The following SCAF8 variants were observed in gnomAD, a reference collection of about 807,000 sequenced individuals.
SCAF8 encodes SR-related and CTD-associated factor 8.
Under a neutral mutation model 140.5 loss-of-function variants are expected in SCAF8, and 23 were observed. That is an observed-to-expected ratio of 0.16 (90% CI 0.12 to 0.23). SCAF8 has a LOEUF of 0.23. SCAF8 is among the 10% of genes least tolerant of loss of function. SCAF8 has a pLI of 1.00. For missense variants in SCAF8, 1,397 were observed against 1,555.7 expected, an observed-to-expected ratio of 0.90 and a Z score of 1.72; for synonymous variants, 575 against 528.9, an observed-to-expected ratio of 1.09 and a Z score of -1.20.
In SCAF8 at chr6:154,833,437, A is replaced by ATC; in HGVS notation, c.*48_*49dup. The ATC allele has an allele frequency of 6.4e-7, 1 of 1,571,610 alleles. No homozygotes were observed. The highest frequency in any genetic ancestry group is 8.6e-7 in the Non-Finnish European group (1 of 1,158,706). ...AAAAGATACCTTTTGTAAAGTTGTC[A>ATC]TCTCTCTGTAATAGATAATGGCTGA... On this transcript the variant is annotated 3_prime_UTR_variant, in exon 20 of 20. Transcript: ENST00000367178.
At chr6:154,809,294 T>C (rs1778016551) in intron 11 of SCAF8, among the ~76,000 whole-genome samples, 1 of 152,180 alleles carries the variant, frequency 6.6e-6, no homozygotes, top group South Asian at 2.1e-4. Context: ...ATTTTTTGCG[T>C]ATGAATGCCC....
chr6:154,775,444 A>C (rs191230280), intron 2 of SCAF8, among the ~76,000 whole-genome samples: 1 of 152,314 alleles, frequency 6.6e-6, no homozygotes, highest in Non-Finnish European at 1.5e-5. Flanking sequence ...TAATTGATGC[A>C]CTTTTCATAA....
chr6:154,735,466 T>C (rs1238081637), intron 1 of SCAF8, among the ~76,000 whole-genome samples: 2 of 151,904 alleles, frequency 1.3e-5, no homozygotes, highest in African/African-American at 2.4e-5. Context: ...TTTTTAATAC[T>C]ACATTTTTTA....
chr6:154,768,866 C>A (rs1287147242), intron 1 of SCAF8, among the ~76,000 whole-genome samples: 1 of 151,992 alleles, frequency 6.6e-6, no homozygotes, highest in Non-Finnish European at 1.5e-5. Context: ...TGTTTGAGAC[C>A]AGCCTAGCCA....
chr6:154,766,861 TATATG>T (rs1169839840), intron 1 of SCAF8, among the ~76,000 whole-genome samples: 1 of 152,074 alleles, frequency 6.6e-6, no homozygotes, highest in Non-Finnish European at 1.5e-5. Context: ...CTTCCAGACT[TATATG>T]ATGTTCTATT....
chr6:154,771,963 T>TGA (rs1471407600), intron 1 of SCAF8, among the ~76,000 whole-genome samples: 1 of 151,978 alleles, frequency 6.6e-6, no homozygotes, highest in Non-Finnish European at 1.5e-5. Flanking sequence ...GTTCTTCAGG[T>TGA]GAGAGATTAA....
chr6:154,783,106 G>A (rs1777131864), intron 3 of SCAF8, among the ~76,000 whole-genome samples: 1 of 152,048 alleles, frequency 6.6e-6, no homozygotes, highest in African/African-American at 2.4e-5. Context: ...TCATGATTTG[G>A]TGACTTTTCT....
intron 3 of SCAF8, among the ~76,000 whole-genome samples, chr6:154,779,758 G>GGTGTGT (rs199543298): frequency 1.0e-4 from 15 of 147,506 alleles, no homozygotes; most frequent in African/African-American, 3.0e-4. Context: ...GTTAAAATAA[G>GGTGTGT]GTGTGTGTGT....
intron 11 of SCAF8, among the ~76,000 whole-genome samples, chr6:154,809,757 C>A (rs187668656): frequency 6.2e-4 from 95 of 152,198 alleles, no homozygotes; most frequent in Admixed American, 5.9e-3. Context: ...GAAAGTGAGG[C>A]CCTTTCTAGA....
intron 1 of SCAF8, among the ~76,000 whole-genome samples, chr6:154,759,345 GT>G (rs549068878): frequency 8.6e-4 from 131 of 152,262 alleles, no homozygotes; most frequent in African/African-American, 3.0e-3. Flanking sequence ...TGAGTTTTTG[GT>G]TTTAGGGGAG....
chr6:154,784,075 A>G (rs904188676), intron 3 of SCAF8, among the ~76,000 whole-genome samples: 27 of 149,398 alleles, frequency 1.8e-4, no homozygotes, highest in African/African-American at 6.6e-4. Context: ...TCAAAAAAAT[A>G]AAAAGAAAGA....
chr6:154,799,977 G>A (rs1777724016), intron 6 of SCAF8, among the ~76,000 whole-genome samples: 1 of 151,074 alleles, frequency 6.6e-6, no homozygotes, highest in Admixed American at 6.6e-5. Context: ...GTAGAGACAA[G>A]GTTTCACCTT....
At position 154,832,875 on chromosome 6, in the gene SCAF8, T is replaced by C; in HGVS notation, c.3296T>C (p.Phe1099Ser). ...PEKPWGHRGDFDEREHRVLPV... is the reference protein window; with the variant it reads ...PEKPWGHRGDSDEREHRVLPV... ...AAGCCCTGGGGGCATAGAGGAGATT[T>C]TGATGAGAGAGAGCATCGGGTTCTA... The change falls in exon 20 of 20, where the codon TTT (phenylalanine) becomes TCT (serine). Residue 1099 changes from phenylalanine to serine, a missense_variant. By Grantham distance (155) the Phe-to-Ser change is radical (BLOSUM62 -2). Around this residue, in one of 5 missense-constraint regions of SCAF8, gnomAD observed 930 missense variants for 874.6 expected, o/e 1.06. Transcript: ENST00000367178. The C allele has an allele frequency of 1.2e-6, 2 of 1,614,082 alleles. No homozygotes were observed. Among genetic ancestry groups the C allele is most frequent in the South Asian group, 1.1e-5 (1 of 91,064 alleles).
intron 17 of SCAF8, chr6:154,825,422 C>T (rs1447637604): frequency 6.6e-6 from 1 of 152,500 alleles, no homozygotes; most frequent in Non-Finnish European, 1.5e-5. Context: ...CACCTGTAAT[C>T]CCAGCACTTT....
intron 18 of SCAF8, among the ~76,000 whole-genome samples, chr6:154,829,134 A>G (rs1385494264): frequency 6.6e-6 from 1 of 152,212 alleles, no homozygotes; most frequent in Non-Finnish European, 1.5e-5. Flanking sequence ...ACCCCTGAAC[A>G]TAAAAGTTTA....
At chr6:154,765,681 A>G (rs966178294) in intron 1 of SCAF8, among the ~76,000 whole-genome samples, 1 of 130,300 alleles carries the variant, frequency 7.7e-6, no homozygotes. Context: ...ATCACTCTCT[A>G]ATTTCTGGAT....
At chr6:154,755,554 T>A (rs942342551) in intron 1 of SCAF8, among the ~76,000 whole-genome samples, 4 of 152,198 alleles carry the variant, frequency 2.6e-5, no homozygotes, top group African/African-American at 9.7e-5. Context: ...TTAATTTTTA[T>A]TACTATTAGT....
At position 154,789,269 on chromosome 6, in the gene SCAF8, C is replaced by G. The variant is rs575292898; in HGVS notation, c.321+1247C>G. 6.6e-5 allele frequency among the ~76,000 whole-genome samples: 10 copies of G among 151,796 alleles called. No individual in the cohort carries two copies. The South Asian group carries it at 1.9e-3, about 28-fold the overall frequency. ...GATTACAGGCGCCCGCCACCACACT[C>G]GGCTAATTTTTTTTTGTATTTTTAG... On this transcript the variant is annotated intron_variant, in intron 4 of 19. Coordinates refer to ENST00000367178, the MANE Select transcript of SCAF8 (RefSeq NM_014892.5).
chr6:154,741,050 G>C (rs1415078093), intron 1 of SCAF8, among the ~76,000 whole-genome samples: 1 of 152,188 alleles, frequency 6.6e-6, no homozygotes, highest in Non-Finnish European at 1.5e-5. Context: ...CTAGTCCATT[G>C]AAGATTTCAG....
Sources: allele counts gnomAD v4.1 joint callset (sites outside exome capture counted in the v4.1 genomes callset), GRCh38; gene constraint gnomAD v4.1.1; regional missense constraint gnomAD v4.1.1; transcripts MANE v1.5; gene names NCBI Gene and HGNC (gene_info 2026-07-23, HGNC 2026-07-21).